Variants in ATRNL1 observed in about 807,000 individuals in gnomAD.
ATRNL1 encodes attractin-like protein 1.
Under a neutral mutation model 182.7 loss-of-function variants are expected in ATRNL1, and 95 were observed. The ratio of observed to expected loss-of-function variants is 0.52; its 90% CI spans 0.44 to 0.62. The LOEUF (loss-of-function observed/expected upper bound fraction) is 0.62. Among genes scored for constraint, ATRNL1 ranks in the 20% least tolerant of loss-of-function variants. ATRNL1 has a pLI of 0.00. For missense variants in ATRNL1, 1,471 were observed against 1,679.5 expected (o/e 0.88, Z 2.17); for synonymous variants, 576 against 568.3 (o/e 1.01, Z -0.19).
chr10:115,571,938 A>C (rs1453059481), intron 26 of ATRNL1, among the ~76,000 whole-genome samples: 2 of 152,008 alleles, frequency 1.3e-5, no homozygotes, highest in Non-Finnish European at 2.9e-5. Context: ...GGTTTTGTAT[A>C]TTCTCTTTCA....
intron 10 of ATRNL1, among the ~76,000 whole-genome samples, chr10:115,264,015 C>A (rs556202370): frequency 5.8e-4 from 88 of 151,582 alleles, no homozygotes; most frequent in African/African-American, 1.7e-3. Context: ...TTTGTGTTTC[C>A]TGGATTATAC....
intron 21 of ATRNL1, among the ~76,000 whole-genome samples, chr10:115,455,250 T>C (rs1168449851): frequency 6.6e-6 from 1 of 152,130 alleles, no homozygotes; most frequent in African/African-American, 2.4e-5. Context: ...TACTTGATCA[T>C]GGGGTGTGGT....
chr10:115,754,478 G>T (rs1211010482), intron 27 of ATRNL1, among the ~76,000 whole-genome samples: 1 of 152,116 alleles, frequency 6.6e-6, no homozygotes, highest in African/African-American at 2.4e-5. Flanking sequence ...TGATCCAATG[G>T]TTGTAGATGT....
chr10:115,827,117 G>T (rs2134299998), intron 27 of ATRNL1, among the ~76,000 whole-genome samples: 1 of 152,318 alleles, frequency 6.6e-6, no homozygotes, highest in South Asian at 2.1e-4. Context: ...GCCGTCTTGT[G>T]CTGTGTGACA....
intron 26 of ATRNL1, among the ~76,000 whole-genome samples, chr10:115,666,097 A>G (rs1427197350): frequency 2.6e-5 from 4 of 152,180 alleles, no homozygotes; most frequent in Non-Finnish European, 5.9e-5. Flanking sequence ...GACACCTGTA[A>G]GAAAGTGGAA....
At chr10:115,317,518 C>T (rs1016208766) in intron 18 of ATRNL1, among the ~76,000 whole-genome samples, 1 of 152,178 alleles carries the variant, frequency 6.6e-6, no homozygotes, top group Non-Finnish European at 1.5e-5. Flanking sequence ...TTCTTCCTCT[C>T]CATGAGATAG....
chr10:115,512,583 A>C (rs945421900), intron 24 of ATRNL1, among the ~76,000 whole-genome samples: 4 of 151,490 alleles, frequency 2.6e-5, no homozygotes, highest in Non-Finnish European at 5.9e-5. Flanking sequence ...AGTTTTATTG[A>C]GTGCTTTCTA....
chr10:115,399,451 G>A (rs1844447711), intron 20 of ATRNL1, among the ~76,000 whole-genome samples: 1 of 151,978 alleles, frequency 6.6e-6, no homozygotes, highest in Admixed American at 6.6e-5. Flanking sequence ...TAGTTTATGT[G>A]CATGGAGGTT....
At chr10:115,925,387 A>G (rs991614958) in intron 28 of ATRNL1, among the ~76,000 whole-genome samples, 4 of 152,150 alleles carry the variant, frequency 2.6e-5, no homozygotes, top group Non-Finnish European at 5.9e-5. Flanking sequence ...TCAGGATGAC[A>G]GGATCAGGTT....
At chr10:115,594,848 C>T (rs1856134261) in intron 26 of ATRNL1, among the ~76,000 whole-genome samples, 1 of 152,162 alleles carries the variant, frequency 6.6e-6, no homozygotes, top group South Asian at 2.1e-4. Context: ...CTAAAGAGAT[C>T]AGCAGGTGGT....
chr10:115,319,053 A>G (rs1854450169), intron 18 of ATRNL1, among the ~76,000 whole-genome samples: 1 of 151,180 alleles, frequency 6.6e-6, no homozygotes, highest in African/African-American at 2.4e-5. Flanking sequence ...TTCTCTGAAC[A>G]CTCCTTTAGC....
At chr10:115,560,943 G>A (rs1185001640) in intron 26 of ATRNL1, among the ~76,000 whole-genome samples, 1 of 152,100 alleles carries the variant, frequency 6.6e-6, no homozygotes, top group East Asian at 1.9e-4. Flanking sequence ...AGGCAACTGG[G>A]TAGCCACAAG....
At chr10:115,367,768 A>T (rs1857135083) in intron 19 of ATRNL1, among the ~76,000 whole-genome samples, 1 of 84,520 alleles carries the variant, frequency 1.2e-5, no homozygotes, top group African/African-American at 4.1e-5. Flanking sequence ...GTCTGTTGGA[A>T]TACCCTGCTG....
intron 19 of ATRNL1, among the ~76,000 whole-genome samples, chr10:115,368,534 A>G (rs1477891527): frequency 6.6e-6 from 1 of 152,148 alleles, no homozygotes; most frequent in African/African-American, 2.4e-5. Flanking sequence ...CTATTCGGCC[A>G]TCTTGGCTCG....
Position 115,362,646 on chromosome 10 carries a change from A to G in ATRNL1, c.3175+28227A>G, listed in dbSNP as rs1423839297. Among the ~76,000 whole-genome samples, 8 of 151,960 alleles carry G rather than the reference A, an allele frequency of 5.3e-5. No individual in the cohort carries two copies. In the East Asian group the frequency reaches 1.2e-3, roughly 22 times the overall value. On this transcript the variant is annotated intron_variant, in intron 19 of 28. Coordinates refer to ENST00000355044, the MANE Select transcript of ATRNL1 (RefSeq NM_207303.4). ...TAACTCGTCATCTAGCATTAGGTAT[A>G]TCTCCCAATGCTATCCCTCCCACCT...
Position 115,301,964 on chromosome 10 carries a change from A to T in ATRNL1, c.2739A>T (p.Lys913Asn). The change falls in exon 17 of 29, where the codon AAA (lysine) becomes AAT (asparagine). Residue 913 changes from lysine to asparagine, a missense_variant. This residue lies in a region of ATRNL1 where 1,031 missense variants were observed against 1,156.0 expected (regional missense o/e 0.89). Transcript: ENST00000355044. ...AGTGTATGTGGTGCAGCAGTACGAAACGATGTGTTGACTCTAATGCCTATA... is the reference window on the plus strand; with the variant it reads ...AGTGTATGTGGTGCAGCAGTACGAATCGATGTGTTGACTCTAATGCCTATA... ...GMECMWCSSTKRCVDSNAYII... is the reference protein window; with the variant it reads ...GMECMWCSSTNRCVDSNAYII... 1 of 1,614,118 alleles carries T rather than the reference A, an allele frequency of 6.2e-7. No homozygotes were observed. The highest frequency in any genetic ancestry group is 8.5e-7 in the Non-Finnish European group (1 of 1,179,968).
At chr10:115,870,263 G>T (rs142459790) in intron 28 of ATRNL1, among the ~76,000 whole-genome samples, 43 of 152,340 alleles carry the variant, frequency 2.8e-4, no homozygotes, top group Non-Finnish European at 2.5e-4. Flanking sequence ...TAGCAAGGCA[G>T]TCAGATTTTC....
At chr10:115,097,208 G>A (rs1410382116) in intron 1 of ATRNL1, among the ~76,000 whole-genome samples, 2 of 152,098 alleles carry the variant, frequency 1.3e-5, no homozygotes, top group South Asian at 4.2e-4. Flanking sequence ...AGTATGCTGG[G>A]TGCCGTGGCT....
At chr10:115,354,179 T>C (rs1856398338) in intron 19 of ATRNL1, among the ~76,000 whole-genome samples, 1 of 142,826 alleles carries the variant, frequency 7.0e-6, no homozygotes, top group Non-Finnish European at 1.5e-5. Flanking sequence ...TAGTGTGTTT[T>C]ATACGTGGCC....
Sources: gnomAD v4.1 joint callset for allele counts (sites outside exome capture counted in the v4.1 genomes callset) on GRCh38, gnomAD v4.1.1 for gene constraint, gnomAD v4.1.1 regional missense constraint, MANE v1.5 for transcripts, NCBI Gene and HGNC (gene_info 2026-07-23, HGNC 2026-07-21) for gene names.